CTBP2: variants seen among roughly 807,000 people sequenced by gnomAD.
CTBP2 encodes C-terminal binding protein 2, also known as C-terminal-binding protein 2.
A neutral mutation model predicts 80.3 loss-of-function variants in CTBP2; 30 were observed. That is an observed-to-expected ratio of 0.37 (90% CI 0.28 to 0.51). The LOEUF is 0.51. Ranked by LOEUF, CTBP2 falls within the 20% of genes least tolerant of loss-of-function variation. The pLI, the probability that CTBP2 is intolerant of heterozygous loss-of-function variation, is 0.93. For synonymous variants in CTBP2, 594 were observed against 587.4 expected (o/e 1.01, Z -0.16); for missense variants, 1,212 against 1,375.3 (o/e 0.88, Z 1.88).
At chr10:125,109,037 C>T (rs1851887281) in intron 2 of CTBP2, among the ~76,000 whole-genome samples, 1 of 152,232 alleles carries the variant, frequency 6.6e-6, no homozygotes, top group African/African-American at 2.4e-5. Context: ...ACTCATCTGT[C>T]TGAGAGGGAG....
chr10:125,037,682 G>A lies in CTBP2; in HGVS notation c.58+1315C>T, dbSNP rs1330907959. ...TATTGCACAGGCAAAGAGACGTGGAGGAAATGCGAATATGCAGCCTATACT... is the reference window on the plus strand; with the variant it reads ...TATTGCACAGGCAAAGAGACGTGGAAGAAATGCGAATATGCAGCCTATACT... On this transcript the variant is annotated intron_variant, in intron 3 of 10. Coordinates refer to the CTBP2 transcript ENST00000337195. Among the ~76,000 whole-genome samples, 53 of 152,212 alleles carry A rather than the reference G, an allele frequency of 3.5e-4. 1 individual carries two copies. Among genetic ancestry groups the A allele is most frequent in the Admixed American group, 3.5e-3 (53 of 15,280 alleles).
intron 2 of CTBP2, among the ~76,000 whole-genome samples, chr10:125,055,064 A>G (rs1040205271): frequency 6.6e-6 from 1 of 152,214 alleles, no homozygotes; most frequent in African/African-American, 2.4e-5. Flanking sequence ...AACATTAAAA[A>G]GATCTATCAG....
At chr10:124,995,819 A>G (rs989518125) in intron 4 of CTBP2, among the ~76,000 whole-genome samples, 5 of 152,158 alleles carry the variant, frequency 3.3e-5, no homozygotes, top group Admixed American at 3.3e-4. Flanking sequence ...ACGCACTGGC[A>G]ACATGAAACT....
chr10:125,137,674 T>C (rs1857171278), intron 1 of CTBP2, among the ~76,000 whole-genome samples: 2 of 152,332 alleles, frequency 1.3e-5, no homozygotes, highest in Admixed American at 6.5e-5. Context: ...AGACAATAAA[T>C]TGGAAAGGCT....
At chr10:125,013,971 C>G (rs1358030238) in intron 1 of CTBP2, among the ~76,000 whole-genome samples, 2 of 152,288 alleles carry the variant, frequency 1.3e-5, no homozygotes, top group Non-Finnish European at 2.9e-5. Context: ...ATCTATCAAC[C>G]AGGCACACAA....
intron 2 of CTBP2, among the ~76,000 whole-genome samples, chr10:125,056,038 G>A (rs1006346914): frequency 1.2e-4 from 19 of 152,024 alleles, no homozygotes; most frequent in African/African-American, 4.6e-4. Flanking sequence ...GGTGGCACGT[G>A]CCTGTAGTCC....
intron 3 of CTBP2, among the ~76,000 whole-genome samples, chr10:125,036,671 GTGTGTGTGT>G (rs1958912770): frequency 3.4e-3 from 21 of 6,178 alleles, no homozygotes; most frequent in African/African-American, 0.027. Context: ...TAGAGGGGGT[GTGTGTGTGT>G]GTGTGTGTGT....
rs3781413 is a variant in CTBP2 at position 125,026,506 on chromosome 10, T to C, written c.1254A>G (p.Ala418=). 0.13 allele frequency: 205,010 copies of C among 1,596,114 alleles called. 14,320 individuals carry two copies. The highest frequency in any genetic ancestry group is 0.28 in the Admixed American group (15,920 of 57,136). ...CCACGCCAGGGGCAGAATAGGTGGC[T>C]GCCGTCTCCAGGAGGTGCTGAGATG... Residue 418 remains alanine (A), a synonymous_variant, in exon 1 of 9, where the codon GCA becomes GCG. Coordinates refer to ENST00000309035, the MANE Select transcript of CTBP2 (RefSeq NM_022802.3).
At chr10:125,008,428 T>C (rs755709554) in intron 1 of CTBP2, among the ~76,000 whole-genome samples, 7 of 152,214 alleles carry the variant, frequency 4.6e-5, no homozygotes, top group Non-Finnish European at 8.8e-5. Flanking sequence ...GTTGCAGTCT[T>C]AGAGCTGACC....
Position 125,091,297 on chromosome 10 carries a change from C to G in CTBP2, c.-102+19693G>C, listed in dbSNP as rs530047381. On this transcript the variant is annotated intron_variant, in intron 2 of 10. Coordinates refer to the CTBP2 transcript ENST00000337195. The stretch of plus-strand genomic sequence containing the variant: ...TCGGTAAGCCAACACAGACACCCTC[C>G]GTATGCTCAGATGCACTTGTACGTC... Among the ~76,000 whole-genome samples the G allele has an allele frequency of 3.3e-5, 5 of 152,278 alleles. 1 individual carries two copies. The highest frequency in any genetic ancestry group is 4.1e-4 in the South Asian group (2 of 4,828).
At chr10:125,056,613 C>T (rs933141695) in intron 2 of CTBP2, among the ~76,000 whole-genome samples, 5 of 152,252 alleles carry the variant, frequency 3.3e-5, no homozygotes, top group African/African-American at 4.8e-5. Context: ...GCCAGCCCCA[C>T]AGCTGCTCTT....
chr10:125,161,457 A>C (rs1302888670), upstream of CTBP2, among the ~76,000 whole-genome samples: 4 of 151,802 alleles, frequency 2.6e-5, no homozygotes, highest in East Asian at 7.9e-4. Flanking sequence ...CCGCCCAGCC[A>C]GCGGCGCCAA....
chr10:125,146,142 C>T (rs1591076406), intron 1 of CTBP2, among the ~76,000 whole-genome samples: 1 of 152,076 alleles, frequency 6.6e-6, no homozygotes, highest in Admixed American at 6.5e-5. Flanking sequence ...TCAATTTCTC[C>T]AAAACTAATT....
At chr10:125,013,372 C>T (rs1956134049) in intron 1 of CTBP2, among the ~76,000 whole-genome samples, 1 of 152,218 alleles carries the variant, frequency 6.6e-6, no homozygotes, top group Non-Finnish European at 1.5e-5. Flanking sequence ...GGGGAAATAC[C>T]TGAGACTGGA....
In CTBP2 at chr10:125,026,576, G is replaced by T. The variant is rs1312008054; in HGVS notation, c.1184C>A (p.Ala395Glu). 4 of 1,565,098 alleles carry T rather than the reference G, an allele frequency of 2.6e-6. No individual in the cohort carries two copies. In the East Asian group the frequency reaches 9.6e-5, roughly 38 times the overall value. The change falls in exon 1 of 9, where the codon GCA becomes GAA. Residue 395 changes from alanine (A) to glutamate (E), a missense_variant. Ala to Glu is a moderately radical substitution (Grantham distance 107, BLOSUM62 -1). Coordinates refer to ENST00000309035, the MANE Select transcript of CTBP2 (RefSeq NM_022802.3). The stretch of plus-strand genomic sequence containing the variant: ...AGCCGGGTCTCCAGCTCGGGGGGAT[G>T]CTGTCTGCAGAGGAGCCGCAGCGCC...
At chr10:125,098,289 A>C (rs1849865966) in intron 2 of CTBP2, among the ~76,000 whole-genome samples, 1 of 152,140 alleles carries the variant, frequency 6.6e-6, no homozygotes, top group Non-Finnish European at 1.5e-5. Context: ...CAGCTCTTGG[A>C]GTGAACGGAA....
chr10:125,014,643 C>T (rs1220048307), intron 1 of CTBP2, among the ~76,000 whole-genome samples: 2 of 152,250 alleles, frequency 1.3e-5, no homozygotes, highest in African/African-American at 2.4e-5. Context: ...TGCCTGAGCC[C>T]GTAGGCCTCT....
Position 125,136,172 on chromosome 10 carries a change from C to T in CTBP2, c.-206+24147G>A, listed in dbSNP as rs145334722. On this transcript the variant is annotated intron_variant, in intron 1 of 10. Transcript: ENST00000337195. ...TCTCAGATCCAGATAAGGATGAGAACGAAGGGGCTGGAGGGACCCAGGCAG... is the reference window on the plus strand; with the variant it reads ...TCTCAGATCCAGATAAGGATGAGAATGAAGGGGCTGGAGGGACCCAGGCAG... Among the ~76,000 whole-genome samples the T allele has an allele frequency of 5.2e-3, 786 of 152,272 alleles. 4 individuals carry two copies. Among genetic ancestry groups the T allele is most frequent in the African/African-American group, 0.018 (753 of 41,548 alleles).
chr10:125,009,137 G>C (rs888705918), intron 1 of CTBP2, among the ~76,000 whole-genome samples: 1 of 152,302 alleles, frequency 6.6e-6, no homozygotes, highest in South Asian at 2.1e-4. Flanking sequence ...GTGAACTCTC[G>C]TGGGAAAACT....
Sources: allele counts gnomAD v4.1 joint callset (sites outside exome capture counted in the v4.1 genomes callset), GRCh38; gene constraint gnomAD v4.1.1; transcripts MANE v1.5; gene names NCBI Gene and HGNC (gene_info 2026-07-23, HGNC 2026-07-21).